The following ACOX1 variants were observed in gnomAD, a reference collection of about 807,000 sequenced individuals.
ACOX1 encodes the protein acyl-CoA oxidase 1.
ACOX1 carries 41 observed loss-of-function variants against 75.5 expected under a neutral mutation model. The ratio of observed to expected loss-of-function variants is 0.54; its 90% CI spans 0.42 to 0.70. The LOEUF is 0.70. Ranked by LOEUF, ACOX1 falls within the 30% of genes least tolerant of loss-of-function variation. The probability of loss-of-function intolerance (pLI) is 0.00; values close to 1 mark genes in which losing one functional copy is unlikely to be tolerated. For missense variants in ACOX1, 630 were observed against 837.5 expected, an observed-to-expected ratio of 0.75 and a Z score of 3.06; for synonymous variants, 303 against 298.8, an observed-to-expected ratio of 1.01 and a Z score of -0.15.
chr17:75,973,854 A>C, intron 2 of ACOX1: 2 of 1,542,814 alleles, frequency 1.3e-6, no homozygotes, highest in East Asian at 4.5e-5. Context: ...CCTTCTTGCC[A>C]AACAGCTTTG....
chr17:75,948,295 T>G lies in ACOX1; in HGVS notation c.1891A>C (p.Asn631His). 6.2e-7 allele frequency: 1 copy of G among 1,614,086 alleles called. No homozygotes were observed. The change falls in exon 13 of 14, where the codon AAC becomes CAC. Residue 631 changes from asparagine to histidine, a missense_variant. By Grantham distance (68) the Asn-to-His change is moderately conservative (BLOSUM62 1). Coordinates refer to ENST00000293217, the MANE Select transcript of ACOX1 (RefSeq NM_004035.7). ...LGRYDGNVYE[N>H]LFEWAKNSPL... is the part of the protein sequence containing the mutation. ...GAGTTCTTAGCCCACTCAAACAAGT[T>G]TTCATACACATTCCCATCATAGCGG...
chr17:75,959,250 C>T (rs187324278), intron 3 of ACOX1, among the ~76,000 whole-genome samples: 117 of 152,246 alleles, frequency 7.7e-4, no homozygotes, highest in Admixed American at 1.4e-3. Flanking sequence ...TGGGAGTCAA[C>T]AAATCAGACA....
In ACOX1 at chr17:75,953,633, C is replaced by T. The variant is rs779884325; in HGVS notation, c.775-13G>A. The T allele has an allele frequency of 8.4e-5, 136 of 1,613,718 alleles. No homozygotes were observed. The highest frequency in any genetic ancestry group is 1.3e-4 in the African/African-American group (10 of 74,924). On this transcript the variant is annotated splice_polypyrimidine_tract_variant and intron_variant, in intron 6 of 13. Transcript: ENST00000293217. ...CATCAGGCTTCACCTGGAAGAAGAA[C>T]GTGGAACTGATACTTCCTTCTTTTA...
intron 2 of ACOX1, chr17:75,973,246 GC>G (rs2066013404): frequency 3.6e-6 from 1 of 277,022 alleles, no homozygotes; most frequent in African/African-American, 2.2e-5. Flanking sequence ...AAAATCCACA[GC>G]TTTAACTGCA....
At position 75,960,100 on chromosome 17, in the gene ACOX1, A is replaced by G. The variant is rs1598186162; in HGVS notation, c.430+115T>C. The G allele has an allele frequency of 1.5e-6, 2 of 1,360,578 alleles. No individual in the cohort carries two copies. The highest frequency in any genetic ancestry group is 2.1e-6 in the Non-Finnish European group (2 of 973,272). The allele number at this position is 1,360,578 out of a possible 1,614,324, so 84.3% of individuals were successfully genotyped here. ...AACCTGGACTCTGCAGAAAGAGCTC[A>G]TTTAAACAGACCATAGAACATCGAC... is the stretch of plus-strand genomic sequence containing the variant. On this transcript the variant is annotated intron_variant, in intron 3 of 13. Transcript: ENST00000293217. The surrounding 1 kb of genome is among the most constrained non-coding windows in gnomAD (Gnocchi z 4.4).
intron 2 of ACOX1, among the ~76,000 whole-genome samples, chr17:75,974,552 A>C (rs1268408007): frequency 1.3e-5 from 2 of 152,188 alleles, no homozygotes; most frequent in Non-Finnish European, 2.9e-5. Context: ...CTCGTATCTA[A>C]AAAGTTTAAA....
chr17:75,948,290 C>T lies in ACOX1; in HGVS notation c.1896G>A (p.Leu632=). ...GRYDGNVYEN[L]FEWAKNSPLN... is the part of the protein sequence containing the mutation. Reference sequence around the variant, plus strand: ...GTGGGGAGTTCTTAGCCCACTCAAACAAGTTTTCATACACATTCCCATCAT... The same window carrying T: ...GTGGGGAGTTCTTAGCCCACTCAAATAAGTTTTCATACACATTCCCATCAT... The change falls in exon 13 of 14, where the codon TTG becomes TTA. Residue 632 remains leucine, a synonymous_variant. Coordinates refer to ENST00000293217, the MANE Select transcript of ACOX1 (RefSeq NM_004035.7). The T allele has an allele frequency of 6.2e-7, 1 of 1,614,100 alleles. No individual in the cohort carries two copies. The highest frequency in any genetic ancestry group is 8.5e-7 in the Non-Finnish European group (1 of 1,179,982).
At position 75,948,458 on chromosome 17, in the gene ACOX1, C is replaced by G. The variant is rs566377861; in HGVS notation, c.1729-1G>C. 1 of 1,613,620 alleles carries G rather than the reference C, an allele frequency of 6.2e-7. No individual in the cohort carries two copies. The highest frequency in any genetic ancestry group is 1.1e-5 in the South Asian group (1 of 91,066). ...TCTGAGGCTCTGTCATGATGCTCCC[C>G]TAAAAGAGACCAAAATAAGTAAATA... On this transcript the variant is annotated splice_acceptor_variant, in intron 12 of 13. Transcript: ENST00000293217. LOFTEE classifies it high-confidence loss of function.
intron 2 of ACOX1, chr17:75,973,833 AT>A: frequency 6.2e-7 from 1 of 1,601,190 alleles, no homozygotes; most frequent in Non-Finnish European, 8.6e-7. Flanking sequence ...TAGAAACTGC[AT>A]CCTACAACCC....
chr17:75,949,806 G>A lies in ACOX1; in HGVS notation c.1390C>T (p.Gln464Ter). 1 of 1,614,176 alleles carries A rather than the reference G, an allele frequency of 6.2e-7. No homozygotes were observed. Among genetic ancestry groups the A allele is most frequent in the Non-Finnish European group, 8.5e-7 (1 of 1,180,028 alleles). Reference sequence around the variant, plus strand: ...GGCCAGACTGCTACCTGCTGTGGCTGGATGCGCTGACTGGGCAGGTCGTTC... The same window carrying A: ...GGCCAGACTGCTACCTGCTGTGGCTAGATGCGCTGACTGGGCAGGTCGTTC... ...YLNDLPSQRI[Q>*]PQQVAVWPTM... is the part of the protein sequence containing the mutation. Residue 464 changes from glutamine to a stop codon, truncating the protein, a stop_gained, in exon 10 of 14, where the codon CAG becomes TAG. Coordinates refer to ENST00000293217, the MANE Select transcript of ACOX1 (RefSeq NM_004035.7). LOFTEE classifies it high-confidence loss of function.
intron 2 of ACOX1, among the ~76,000 whole-genome samples, chr17:75,968,872 A>G (rs1326800545): frequency 6.6e-6 from 1 of 151,252 alleles, no homozygotes; most frequent in Non-Finnish European, 1.5e-5. Flanking sequence ...CGGTGAGCCG[A>G]GATCACGCCA....
Position 75,955,543 on chromosome 17 carries a change from C to T in ACOX1, c.774+23G>A, listed in dbSNP as rs774923187. The T allele has an allele frequency of 2.5e-6, 4 of 1,598,148 alleles. No individual in the cohort carries two copies. In the South Asian group the frequency reaches 4.4e-5, roughly 18 times the overall value. On this transcript the variant is annotated intron_variant, in intron 6 of 13. Coordinates refer to ENST00000293217, the MANE Select transcript of ACOX1 (RefSeq NM_004035.7). ...TCAACTCCACTGTTTGATGCCTCTG[C>T]TTTATTTTCTATCAAAACATACCTG...
rs1203394699 is a variant in ACOX1 at position 75,946,093 on chromosome 17, A to G, written c.*655T>C. On this transcript the variant is annotated 3_prime_UTR_variant, in exon 14 of 14. Transcript: ENST00000293217. ...CAATCCTTCAAATGGAAAATTCCTA[A>G]TTACACGAGACAATGGTCCTACAGT... The G allele has an allele frequency of 6.5e-6, 1 of 154,210 alleles. No homozygotes were observed. Among genetic ancestry groups the G allele is most frequent in the African/African-American group, 2.4e-5 (1 of 41,444 alleles). The allele number at this position is 154,210 out of a possible 1,614,324, so 9.6% of individuals were successfully genotyped here. A position where few individuals can be genotyped will look rare whatever the true frequency, so the allele number is the denominator to read the frequency against.
rs140583125 is a variant in ACOX1, at chr17:75,975,935, G to GAAAGA, written c.269+2594_269+2598dup. ...AAAGAGAAAGAAAAAGAAAGGAAAA[G>GAAAGA]AAAGAAAAGAAAAGAAAGAAAGAAA... On this transcript the variant is annotated intron_variant, in intron 2 of 13. Coordinates refer to ENST00000293217, the MANE Select transcript of ACOX1 (RefSeq NM_004035.7). Among the ~76,000 whole-genome samples, 12 of 150,220 alleles carry GAAAGA rather than the reference G, an allele frequency of 8.0e-5. No homozygotes were observed. In the East Asian group the frequency reaches 1.8e-3, roughly 22 times the overall value.
At chr17:75,974,754 C>T (rs545564861) in intron 2 of ACOX1, among the ~76,000 whole-genome samples, 6 of 152,106 alleles carry the variant, frequency 3.9e-5, no homozygotes, top group Admixed American at 1.3e-4. Flanking sequence ...TAATAGTAGC[C>T]GGGCGCGGTG....
In ACOX1 at chr17:75,978,382, C is replaced by T. The variant is rs1184175182; in HGVS notation, c.269+152G>A. 1.3e-5 allele frequency: 14 copies of T among 1,048,184 alleles called. No homozygotes were observed. The highest frequency in any genetic ancestry group is 2.0e-5 in the Non-Finnish European group (14 of 707,022). 64.9% of individuals were successfully genotyped at this position (1,048,184 alleles called of 1,614,324 possible). ...TGCTGGGATTACAGGCGTGAGCCAC[C>T]GCGCCCGGCCACACATATAACTTTA... On this transcript the variant is annotated intron_variant, in intron 2 of 13. Transcript: ENST00000293217. This position sits in a 1 kb window ranked among gnomAD's most constrained non-coding sequence, Gnocchi z 4.2.
intron 3 of ACOX1, among the ~76,000 whole-genome samples, chr17:75,959,531 GGACCC>G (rs2065869419): frequency 6.6e-6 from 1 of 152,140 alleles, no homozygotes; most frequent in African/African-American, 2.4e-5. Context: ...TGGCAAACAC[GGACCC>G]AATTCAGAGA....
chr17:75,947,030 G>A (rs537128486), intron 13 of ACOX1, among the ~76,000 whole-genome samples: 26 of 151,734 alleles, frequency 1.7e-4, no homozygotes, highest in Non-Finnish European at 3.2e-4. Flanking sequence ...CATGACACCT[G>A]GCTGCTATTT....
intron 7 of ACOX1, among the ~76,000 whole-genome samples, chr17:75,952,121 G>A (rs745604588): frequency 6.6e-6 from 1 of 152,050 alleles, no homozygotes. Flanking sequence ...CAAAACCAAC[G>A]CTAGTCAACC....
Sources: allele counts gnomAD v4.1 joint callset (sites outside exome capture counted in the v4.1 genomes callset), GRCh38; gene constraint gnomAD v4.1.1; non-coding constraint Gnocchi (gnomAD v3.1); transcripts MANE v1.5; gene names NCBI Gene and HGNC (gene_info 2026-07-23, HGNC 2026-07-21).